Variants in SERPINB6 observed in about 807,000 individuals in gnomAD.
SERPINB6 encodes the protein serpin family B member 6.
SERPINB6 carries 16 observed loss-of-function variants against 26.1 expected under a neutral mutation model. The observed-to-expected ratio is 0.61, with a 90% CI of 0.42 to 0.93. The LOEUF (loss-of-function observed/expected upper bound fraction) is 0.93. SERPINB6 is among the 40% of genes least tolerant of loss of function. SERPINB6 has a pLI of 0.00. For synonymous variants in SERPINB6, 174 were observed against 176.6 expected, an observed-to-expected ratio of 0.99 and a Z score of 0.11; for missense variants, 420 against 478.0, an observed-to-expected ratio of 0.88 and a Z score of 1.13.
chr6:2,970,946 C>A (rs1772093159), intron 1 of SERPINB6: 1 of 1,228,286 alleles, frequency 8.1e-7, no homozygotes, highest in East Asian at 3.2e-5. Context: ...CACGGCCAGT[C>A]CAGTGAACAC....
At position 2,954,643 on chromosome 6, in the gene SERPINB6, C is replaced by T. The variant is rs146252067; in HGVS notation, c.379G>A (p.Val127Ile). 240 of 1,613,906 alleles carry T rather than the reference C, an allele frequency of 1.5e-4. 2 individuals are homozygous for T. The Middle Eastern group carries it at 2.3e-3, about 15-fold the overall frequency. The change falls in exon 4 of 7, where the codon GTA becomes ATA. Residue 127 changes from valine to isoleucine, a missense_variant. Physicochemically the swap from Val to Ile is conservative, Grantham distance 29. Coordinates refer to ENST00000380539, the MANE Select transcript of SERPINB6 (RefSeq NM_004568.6). ...TTTATGTGTTTTCTGGACTTCTCTA[C>T]GGCGCTGATAAAGTCAAGCTCCTCC... ...EMEELDFISA[V>I]EKSRKHINTW... is the part of the protein sequence containing the mutation.
chr6:2,966,803 C>T, intron 1 of SERPINB6: 1 of 267,554 alleles, frequency 3.7e-6, no homozygotes, highest in Non-Finnish European at 5.8e-6. Context: ...ATGATAGGTG[C>T]ACACCACCAC....
rs1771731186 is a variant in SERPINB6 at position 2,967,358 on chromosome 6, A to G, written c.-11+4175T>C. 3 of 294,324 alleles carry G rather than the reference A, an allele frequency of 1.0e-5. No individual in the cohort carries two copies. The highest frequency in any genetic ancestry group is 1.5e-5 in the Non-Finnish European group (3 of 198,308). 18.2% of individuals were successfully genotyped at this position (294,324 alleles called of 1,614,324 possible). On this transcript the variant is annotated intron_variant, in intron 1 of 6. Coordinates refer to ENST00000380539, the MANE Select transcript of SERPINB6 (RefSeq NM_004568.6). The surrounding 1 kb of genome is among the most constrained non-coding windows in gnomAD (Gnocchi z 4.3). ...AAAAACCCTGGAAGACAATCTAGGCAATACCATTCTGGACATAGGAACAGG... is the reference window on the plus strand; with the variant it reads ...AAAAACCCTGGAAGACAATCTAGGCGATACCATTCTGGACATAGGAACAGG...
intron 1 of SERPINB6, chr6:2,970,806 A>G: frequency 8.1e-7 from 1 of 1,231,538 alleles, no homozygotes; most frequent in East Asian, 3.2e-5. Context: ...TGAAGACATC[A>G]AAGCCTGTAA....
intron 1 of SERPINB6, among the ~76,000 whole-genome samples, chr6:2,963,016 A>G (rs549028105): frequency 4.5e-4 from 68 of 152,364 alleles, no homozygotes; most frequent in African/African-American, 1.5e-3. Flanking sequence ...CTCATGAAAC[A>G]TAATGAGAAA....
At chr6:2,950,836 C>T (rs900874445) in intron 5 of SERPINB6, among the ~76,000 whole-genome samples, 1 of 152,240 alleles carries the variant, frequency 6.6e-6, no homozygotes, top group African/African-American at 2.4e-5. Flanking sequence ...GCACATTCTT[C>T]TGTGTTAAAT....
chr6:2,957,492 G>C, intron 2 of SERPINB6: 1 of 152,226 alleles, frequency 6.6e-6, no homozygotes, highest in Non-Finnish European at 1.5e-5. Flanking sequence ...TCAAGGGTGA[G>C]GTCCAAATCC....
chr6:2,970,191 A>C, intron 1 of SERPINB6: 1 of 985,114 alleles, frequency 1.0e-6, no homozygotes, highest in Non-Finnish European at 1.2e-6. Flanking sequence ...TTATTATTAC[A>C]TATGTGGAAA....
At chr6:2,961,819 A>G in intron 1 of SERPINB6, 1 of 984,358 alleles carries the variant, frequency 1.0e-6, no homozygotes, top group Non-Finnish European at 1.2e-6. Context: ...AAGGTCCCAC[A>G]TGCTCCCCCA....
At chr6:2,971,247 C>T in intron 1 of SERPINB6, 1 of 918,050 alleles carries the variant, frequency 1.1e-6, no homozygotes. Context: ...GCACGACTCA[C>T]CCGGCCGCGT....
intron 1 of SERPINB6, among the ~76,000 whole-genome samples, chr6:2,963,185 C>T (rs909703466): frequency 3.3e-5 from 5 of 152,046 alleles, no homozygotes; most frequent in African/African-American, 7.2e-5. Flanking sequence ...AGTAGAAACA[C>T]GTGCAAAGGA....
chr6:2,952,024 A>G (rs576715363), intron 5 of SERPINB6, among the ~76,000 whole-genome samples: 1 of 152,340 alleles, frequency 6.6e-6, no homozygotes, highest in East Asian at 1.9e-4. Context: ...GTGCCAGACC[A>G]GCCCAGGTCT....
intron 1 of SERPINB6, chr6:2,962,274 T>A (rs545353330): frequency 1.1e-6 from 1 of 937,226 alleles, no homozygotes; most frequent in African/African-American, 1.8e-5. Flanking sequence ...GGGATTTAAT[T>A]TGAAATACTG....
Position 2,948,882 on chromosome 6 carries a change from C to G in SERPINB6, c.729+32G>C, listed in dbSNP as rs755766226. On this transcript the variant is annotated intron_variant, in intron 6 of 6. Transcript: ENST00000380539. This position sits in a 1 kb window ranked among gnomAD's most constrained non-coding sequence, Gnocchi z 5.0. ...GCAGACACCCCCGAGTGGCTCCTTG[C>G]TAGCACGCCTCGCTCACAGCTTAGC... The G allele has an allele frequency of 3.1e-6, 5 of 1,614,024 alleles. No homozygotes were observed. Among genetic ancestry groups the G allele is most frequent in the Non-Finnish European group, 4.2e-6 (5 of 1,180,006 alleles).
At chr6:2,955,814 C>T (rs1770409897) in intron 2 of SERPINB6, 144 bp from the exon 3 acceptor site, 6 of 860,024 alleles carry the variant, frequency 7.0e-6, no homozygotes, top group East Asian at 5.5e-5. Context: ...CAGCAGCTCA[C>T]GCCTATAATC....
chr6:2,955,450 C>A (rs1184100658), intron 3 of SERPINB6, 74 bp downstream of exon 3: 1 of 1,581,902 alleles, frequency 6.3e-7, no homozygotes, highest in African/African-American at 1.3e-5. Context: ...GAGCCACACG[C>A]TTCCTGCTGG....
intron 5 of SERPINB6, among the ~76,000 whole-genome samples, chr6:2,951,389 AAAAAATAAAAAAT>A (rs1225231289): frequency 1.2e-5 from 1 of 83,882 alleles, no homozygotes; most frequent in Non-Finnish European, 2.7e-5. Context: ...TCTGTCTTGG[AAAAAATAAAAAAT>A]AAAAAAAAAA....
rs1171857229 is a variant in SERPINB6 at position 2,954,599 on chromosome 6, C to G, written c.423G>C (p.Lys141Asn). 6.8e-6 allele frequency: 11 copies of G among 1,612,032 alleles called. No individual in the cohort carries two copies. Among genetic ancestry groups the G allele is most frequent in the Non-Finnish European group, 9.3e-6 (11 of 1,178,148 alleles). Residue 141 changes from lysine to asparagine, a missense_variant, in exon 4 of 7, where the codon AAG becomes AAC. Lys to Asn is a moderately conservative substitution (Grantham distance 94). Coordinates refer to ENST00000380539, the MANE Select transcript of SERPINB6 (RefSeq NM_004568.6). Reference protein sequence around the residue: ...RKHINTWVAEKTEGKIAELLS... With the variant: ...RKHINTWVAENTEGKIAELLS... The stretch of plus-strand genomic sequence containing the variant: ...ATAACAATACATTTTCACCTTCTGT[C>G]TTTTCAGCTACCCAGGTGTTTATGT...
intron 2 of SERPINB6, 23 bp downstream of exon 2, chr6:2,959,145 C>G: frequency 6.2e-7 from 1 of 1,614,092 alleles, no homozygotes; most frequent in Non-Finnish European, 8.5e-7. Flanking sequence ...GTTAATAGCA[C>G]CATGGCTGCC....
Sources: gnomAD v4.1 joint callset for allele counts (sites outside exome capture counted in the v4.1 genomes callset) on GRCh38, gnomAD v4.1.1 for gene constraint, Gnocchi (gnomAD v3.1) non-coding constraint, MANE v1.5 for transcripts, NCBI Gene and HGNC (gene_info 2026-07-23, HGNC 2026-07-21) for gene names.